DLG1: variants seen among roughly 807,000 people sequenced by gnomAD.
DLG1 encodes the protein discs large MAGUK scaffold protein 1, also known as disks large homolog 1.
In DLG1, 42 loss-of-function variants were observed where a neutral mutation model predicts 123.4. The observed-to-expected ratio is 0.34, with a 90% CI of 0.27 to 0.44. DLG1 has a LOEUF of 0.44. DLG1 is among the 20% of genes least tolerant of loss of function. DLG1 has a pLI of 1.00. For missense variants in DLG1, 942 were observed against 1,082.6 expected, an observed-to-expected ratio of 0.87 and a Z score of 1.82; for synonymous variants, 317 against 356.2, an observed-to-expected ratio of 0.89 and a Z score of 1.24.
At chr3:197,124,999 T>C (rs913612959) in intron 11 of DLG1, among the ~76,000 whole-genome samples, 1 of 152,052 alleles carries the variant, frequency 6.6e-6, no homozygotes, top group Admixed American at 6.5e-5. Flanking sequence ...AACAATGACA[T>C]TCAGTATACA....
intron 16 of DLG1, among the ~76,000 whole-genome samples, chr3:197,081,432 GTTTGTT>G (rs926650855): frequency 5.3e-5 from 8 of 152,108 alleles, no homozygotes; most frequent in Admixed American, 2.0e-4. Flanking sequence ...TCCAAGTTTT[GTTTGTT>G]TTTAAGTATT....
chr3:197,064,117 G>A (rs1443516658), intron 22 of DLG1, among the ~76,000 whole-genome samples: 2 of 151,438 alleles, frequency 1.3e-5, no homozygotes, highest in Non-Finnish European at 2.9e-5. Flanking sequence ...ATGGGGTTTT[G>A]CCATGTTGGC....
intron 11 of DLG1, among the ~76,000 whole-genome samples, chr3:197,126,919 T>C (rs147576144): frequency 5.9e-5 from 9 of 152,244 alleles, no homozygotes; most frequent in African/African-American, 2.2e-4. Context: ...ACTGTTACTT[T>C]AAAAATCACC....
intron 14 of DLG1, among the ~76,000 whole-genome samples, chr3:197,098,147 G>A (rs1353622644): frequency 6.6e-6 from 1 of 152,114 alleles, no homozygotes; most frequent in Non-Finnish European, 1.5e-5. Flanking sequence ...CCTTAGCCCT[G>A]AGTTCCGAGT....
chr3:197,237,223 A>G (rs1368321665), intron 4 of DLG1, among the ~76,000 whole-genome samples: 1 of 152,242 alleles, frequency 6.6e-6, no homozygotes, highest in Admixed American at 6.5e-5. Flanking sequence ...TAAAACAAAA[A>G]TAAGACTGAA....
intron 4 of DLG1, among the ~76,000 whole-genome samples, chr3:197,281,814 G>A (rs1769498217): frequency 6.6e-6 from 1 of 152,082 alleles, no homozygotes; most frequent in African/African-American, 2.4e-5. Context: ...GAAGACAAGG[G>A]ATCAGATGTG....
intron 23 of DLG1, among the ~76,000 whole-genome samples, chr3:197,053,032 G>A (rs1408878878): frequency 6.6e-6 from 1 of 152,188 alleles, no homozygotes; most frequent in Non-Finnish European, 1.5e-5. Flanking sequence ...GATGTACACA[G>A]ACAAAATGAT....
At chr3:197,270,905 G>A (rs182109045) in intron 4 of DLG1, among the ~76,000 whole-genome samples, 3 of 152,282 alleles carry the variant, frequency 2.0e-5, no homozygotes, top group South Asian at 2.1e-4. Context: ...TTAGTGGAAT[G>A]AGTTAAATAA....
At chr3:197,196,171 C>CAAA (rs71162001) in intron 4 of DLG1, among the ~76,000 whole-genome samples, 159 of 88,658 alleles carry the variant, frequency 1.8e-3, no homozygotes, top group Middle Eastern at 7.9e-3. Flanking sequence ...AAATGCACAC[C>CAAA]AAAAAAAAAA....
chr3:197,059,243 G>C (rs1221168727), intron 23 of DLG1, among the ~76,000 whole-genome samples: 1 of 152,118 alleles, frequency 6.6e-6, no homozygotes, highest in Non-Finnish European at 1.5e-5. Flanking sequence ...TCACTCTGAA[G>C]CTAAGTAATA....
chr3:197,195,908 T>TA (rs1481937788), intron 4 of DLG1, among the ~76,000 whole-genome samples: 6 of 151,500 alleles, frequency 4.0e-5, no homozygotes, highest in South Asian at 2.1e-4. Context: ...TCAGTAAACT[T>TA]AGAGGAAAAA....
intron 5 of DLG1, among the ~76,000 whole-genome samples, chr3:197,158,730 T>C (rs1428422904): frequency 6.6e-6 from 1 of 150,988 alleles, no homozygotes. Flanking sequence ...GCGGGAGCTA[T>C]TTGTTAAACT....
At position 197,147,430 on chromosome 3, in the gene DLG1, G is replaced by A. The variant is rs570992911; in HGVS notation, c.537+2313C>T. ...CATGAGTGGATAAAAAATATATGGTGTGCACACACACACACACACACACAC... is the reference window on the plus strand; with the variant it reads ...CATGAGTGGATAAAAAATATATGGTATGCACACACACACACACACACACAC... On this transcript the variant is annotated intron_variant, in intron 6 of 24. Coordinates refer to ENST00000667157, the MANE Select transcript of DLG1 (RefSeq NM_001366207.1). Among the ~76,000 whole-genome samples the A allele has an allele frequency of 8.0e-3, 732 of 91,250 alleles. 1 individual carries two copies. Among genetic ancestry groups the A allele is most frequent in the South Asian group, 0.019 (53 of 2,720 alleles). 59.9% of individuals were successfully genotyped at this position (91,250 alleles called of 152,430 possible). A position where few individuals can be genotyped will look rare whatever the true frequency, so the allele number is the denominator to read the frequency against.
intron 5 of DLG1, among the ~76,000 whole-genome samples, chr3:197,167,287 GTAAT>G (rs1801927568): frequency 6.6e-6 from 1 of 152,176 alleles, no homozygotes; most frequent in South Asian, 2.1e-4. Flanking sequence ...TAGTAATAGA[GTAAT>G]TCATTCAAGA....
At chr3:197,054,636 T>C (rs1730401602) in intron 23 of DLG1, among the ~76,000 whole-genome samples, 1 of 152,118 alleles carries the variant, frequency 6.6e-6, no homozygotes, top group Non-Finnish European at 1.5e-5. Context: ...TGTATCTTTT[T>C]CATCTTTTTT....
intron 4 of DLG1, among the ~76,000 whole-genome samples, chr3:197,227,636 G>A (rs1016456952): frequency 4.6e-5 from 7 of 152,136 alleles, no homozygotes; most frequent in South Asian, 2.1e-4. Flanking sequence ...CAGAAACAGC[G>A]TGCCAAAAGA....
At chr3:197,255,499 TA>T (rs1440387078) in intron 4 of DLG1, among the ~76,000 whole-genome samples, 1 of 152,150 alleles carries the variant, frequency 6.6e-6, no homozygotes, top group Non-Finnish European at 1.5e-5. Context: ...CAATGTGAAT[TA>T]AAAATCCTAC....
intron 10 of DLG1, among the ~76,000 whole-genome samples, chr3:197,131,589 T>C (rs1185988591): frequency 2.3e-5 from 2 of 87,130 alleles, no homozygotes; most frequent in East Asian, 2.6e-4. Flanking sequence ...CCTTTCTTTT[T>C]TTTTTTTTTT....
At chr3:197,267,888 G>C (rs2151015130) in intron 4 of DLG1, among the ~76,000 whole-genome samples, 1 of 151,998 alleles carries the variant, frequency 6.6e-6, no homozygotes, top group Non-Finnish European at 1.5e-5. Context: ...CATATTTACA[G>C]GATAAAATAA....
Sources: gnomAD v4.1 joint callset for allele counts (sites outside exome capture counted in the v4.1 genomes callset) on GRCh38, gnomAD v4.1.1 for gene constraint, MANE v1.5 for transcripts, NCBI Gene and HGNC (gene_info 2026-07-23, HGNC 2026-07-21) for gene names.